CTTNBP2: variants seen among roughly 807,000 people sequenced by gnomAD.
CTTNBP2 encodes the protein cortactin binding protein 2, also known as cortactin-binding protein 2.
CTTNBP2 carries 108 observed loss-of-function variants against 156.9 expected under a neutral mutation model. The ratio of observed to expected loss-of-function variants is 0.69; its 90% CI spans 0.59 to 0.81. The LOEUF (loss-of-function observed/expected upper bound fraction) is 0.81, where lower values mean the gene tolerates loss of function less well. CTTNBP2 is among the 30% of genes least tolerant of loss of function. The pLI is 0.00. For synonymous variants in CTTNBP2, 767 were observed against 751.8 expected, an observed-to-expected ratio of 1.02 and a Z score of -0.33; for missense variants, 1,924 against 2,035.4, an observed-to-expected ratio of 0.95 and a Z score of 1.05.
At chr7:117,872,437 C>G (rs1804673066) in intron 1 of CTTNBP2, among the ~76,000 whole-genome samples, 1 of 152,210 alleles carries the variant, frequency 6.6e-6, no homozygotes, top group Admixed American at 6.5e-5. Context: ...CTCCTTGCAG[C>G]TCCTGCGAAG....
intron 2 of CTTNBP2, among the ~76,000 whole-genome samples, chr7:117,820,165 T>C (rs1254676685): frequency 6.6e-6 from 1 of 152,244 alleles, no homozygotes; most frequent in Admixed American, 6.5e-5. Context: ...AAGAATGGTA[T>C]ACAAGTGCTG....
intron 2 of CTTNBP2, among the ~76,000 whole-genome samples, chr7:117,860,195 T>C (rs963864692): frequency 2.0e-5 from 3 of 151,934 alleles, no homozygotes; most frequent in Non-Finnish European, 4.4e-5. Flanking sequence ...AAAAAATAAC[T>C]AATTACAGAC....
intron 4 of CTTNBP2, among the ~76,000 whole-genome samples, chr7:117,785,163 C>T (rs1798643431): frequency 6.6e-6 from 1 of 152,134 alleles, no homozygotes; most frequent in African/African-American, 2.4e-5. Flanking sequence ...AAATGCCTAA[C>T]AAACTTTTAA....
chr7:117,860,760 A>G (rs1803672791), intron 2 of CTTNBP2, among the ~76,000 whole-genome samples: 2 of 152,234 alleles, frequency 1.3e-5, no homozygotes, highest in South Asian at 4.1e-4. Context: ...TTACTTTTTA[A>G]TGCATGAGTT....
At chr7:117,718,806 C>G (rs189983163) in intron 21 of CTTNBP2, among the ~76,000 whole-genome samples, 218 of 152,252 alleles carry the variant, frequency 1.4e-3, no homozygotes, top group Admixed American at 2.4e-3. Flanking sequence ...TGCTGTGATG[C>G]TTGTTATAAT....
At chr7:117,728,533 G>A (rs739797) in intron 16 of CTTNBP2, among the ~76,000 whole-genome samples, 27,267 of 152,054 alleles carry the variant, frequency 0.18, 2,621 homozygotes, top group South Asian at 0.21. Context: ...GGAGCCTGAG[G>A]CAGGAAGAAA....
chr7:117,767,745 G>A (rs929333467), intron 8 of CTTNBP2, among the ~76,000 whole-genome samples: 1 of 152,146 alleles, frequency 6.6e-6, no homozygotes, highest in African/African-American at 2.4e-5. Flanking sequence ...CCCTATAGAT[G>A]TTGAAGTTAT....
intron 1 of CTTNBP2, among the ~76,000 whole-genome samples, chr7:117,865,870 T>C (rs1804157633): frequency 1.3e-5 from 2 of 149,220 alleles, no homozygotes. Context: ...ATACAAGTCA[T>C]ATATATTAAT....
At chr7:117,728,372 C>G (rs1795221041) in intron 16 of CTTNBP2, 105 bp from the exon 17 acceptor site, 4 of 822,504 alleles carry the variant, frequency 4.9e-6, no homozygotes, top group South Asian at 1.8e-5. Context: ...TGAAAAGTAG[C>G]TGAATCTTAT....
intron 22 of CTTNBP2, among the ~76,000 whole-genome samples, chr7:117,714,595 T>C (rs1310111512): frequency 6.6e-6 from 1 of 151,938 alleles, no homozygotes; most frequent in Non-Finnish European, 1.5e-5. Context: ...AACATGATGG[T>C]GAGGGGAGTG....
intron 4 of CTTNBP2, among the ~76,000 whole-genome samples, chr7:117,789,681 A>G (rs984868620): frequency 1.3e-5 from 2 of 152,232 alleles, no homozygotes; most frequent in African/African-American, 2.4e-5. Flanking sequence ...GTAAGCAACA[A>G]TATCATTGAA....
intron 4 of CTTNBP2, 131 bp from the exon 5 acceptor site, chr7:117,784,585 A>T: frequency 1.8e-6 from 1 of 565,780 alleles, no homozygotes; most frequent in Non-Finnish European, 2.9e-6. Context: ...GGTTTCTAAC[A>T]TTATCAATCT....
intron 21 of CTTNBP2, 60 bp from the exon 22 acceptor site, chr7:117,718,179 C>A (rs961985169): frequency 8.9e-6 from 9 of 1,012,322 alleles, no homozygotes; most frequent in Non-Finnish European, 1.4e-5. Context: ...ATACTCAAGG[C>A]ACAGCTAAAT....
intron 2 of CTTNBP2, among the ~76,000 whole-genome samples, chr7:117,857,480 C>T (rs577658304): frequency 1.3e-5 from 2 of 152,156 alleles, no homozygotes; most frequent in East Asian, 1.9e-4. Flanking sequence ...TTTTTAATAA[C>T]TTGAAATCAA....
intron 22 of CTTNBP2, among the ~76,000 whole-genome samples, chr7:117,717,321 A>ATT (rs796923048): frequency 6.8e-6 from 1 of 146,318 alleles, no homozygotes; most frequent in Non-Finnish European, 1.5e-5. Flanking sequence ...TAAAATTGAG[A>ATT]TTTTTTTTTT....
intron 9 of CTTNBP2, among the ~76,000 whole-genome samples, chr7:117,762,106 TTAA>T (rs1343834309): frequency 6.6e-6 from 1 of 152,196 alleles, no homozygotes; most frequent in Non-Finnish European, 1.5e-5. Flanking sequence ...TCCAGACTTC[TTAA>T]TGATAGTGTG....
intron 2 of CTTNBP2, among the ~76,000 whole-genome samples, chr7:117,820,009 C>G (rs1800861326): frequency 6.6e-6 from 1 of 152,200 alleles, no homozygotes; most frequent in Non-Finnish European, 1.5e-5. Flanking sequence ...GAAGTAATCT[C>G]TCTCCTTTCC....
chr7:117,836,526 G>A (rs973023519), intron 2 of CTTNBP2, among the ~76,000 whole-genome samples: 4 of 152,188 alleles, frequency 2.6e-5, no homozygotes, highest in East Asian at 1.9e-4. Flanking sequence ...TCGCGCCACT[G>A]CACTCCAGCC....
chr7:117,835,010 T>C (rs897728458), intron 2 of CTTNBP2, among the ~76,000 whole-genome samples: 1 of 152,194 alleles, frequency 6.6e-6, no homozygotes, highest in African/African-American at 2.4e-5. Context: ...TGTTCCAATT[T>C]TCCTAAACTC....
Sources: gnomAD v4.1 joint callset for allele counts (sites outside exome capture counted in the v4.1 genomes callset) on GRCh38, gnomAD v4.1.1 for gene constraint, MANE v1.5 for transcripts, NCBI Gene and HGNC (gene_info 2026-07-23, HGNC 2026-07-21) for gene names.